BBOX1: variants seen among roughly 807,000 people sequenced by gnomAD.
BBOX1 encodes gamma-butyrobetaine hydroxylase 1.
BBOX1 carries 35 observed loss-of-function variants against 41.6 expected under a neutral mutation model. The ratio of observed to expected loss-of-function variants is 0.84; its 90% confidence interval spans 0.64 to 1.11. The LOEUF is 1.11. Ranked by LOEUF, BBOX1 falls within the 50% of genes most tolerant of loss-of-function variation. The pLI, the probability that BBOX1 is intolerant of heterozygous loss-of-function variation, is 0.00. For missense variants in BBOX1, 458 were observed against 460.6 expected, an observed-to-expected ratio of 0.99 and a Z score of 0.05; for synonymous variants, 163 against 154.7, an observed-to-expected ratio of 1.05 and a Z score of -0.40.
intron 5 of BBOX1, among the ~76,000 whole-genome samples, chr11:27,110,928 T>C (rs1410153958): frequency 2.0e-5 from 3 of 151,984 alleles, no homozygotes; most frequent in African/African-American, 7.2e-5. Flanking sequence ...CATATTTGGT[T>C]TATTTTTAAA....
chr11:27,051,200 T>C (rs531872955), intron 2 of BBOX1, among the ~76,000 whole-genome samples: 1 of 152,236 alleles, frequency 6.6e-6, no homozygotes, highest in African/African-American at 2.4e-5. Context: ...TCATACTGTA[T>C]GATCCTTTTA....
intron 5 of BBOX1, among the ~76,000 whole-genome samples, chr11:27,097,447 A>G (rs1485205300): frequency 1.3e-5 from 2 of 152,044 alleles, no homozygotes; most frequent in African/African-American, 2.4e-5. Flanking sequence ...ATTTCTGTCA[A>G]TCAAACAGAG....
chr11:27,047,397 G>A (rs1851518913), intron 2 of BBOX1: 2 of 152,136 alleles, frequency 1.3e-5, no homozygotes, highest in Admixed American at 6.5e-5. Context: ...TGGCACAGAT[G>A]TCTATAGGAG....
In BBOX1 at chr11:27,119,827, C is replaced by G; in HGVS notation, c.818C>G (p.Ser273Ter). The G allele has an allele frequency of 6.6e-7, 1 of 1,523,758 alleles. No individual in the cohort carries two copies. The highest frequency in any genetic ancestry group is 1.3e-5 in the South Asian group (1 of 76,614). 94.4% of individuals were successfully genotyped at this position (1,523,758 alleles called of 1,614,324 possible). A position where few individuals can be genotyped will look rare whatever the true frequency, so the allele number is the denominator to read the frequency against. The part of the protein sequence containing the change: ...GVDYCDFSVQ[S>*]KHKIIELDDK... Reference sequence around the variant, plus strand: ...GATTACTGTGATTTTTCTGTACAATCAAAACATAAAATTATAGAGTAAGTA... The same window carrying G: ...GATTACTGTGATTTTTCTGTACAATGAAAACATAAAATTATAGAGTAAGTA... Residue 273 changes from serine to a stop codon, truncating the protein, a stop_gained, in exon 7 of 9, where the codon TCA (serine) becomes TGA (stop). Transcript: ENST00000263182. LOFTEE classifies it high-confidence loss of function.
chr11:27,047,340 CAGAT>C (rs1014252648), intron 2 of BBOX1: 1 of 152,172 alleles, frequency 6.6e-6, no homozygotes, highest in African/African-American at 2.4e-5. Context: ...AAGAAAAAAA[CAGAT>C]AGAAAGCTCA....
intron 4 of BBOX1, among the ~76,000 whole-genome samples, chr11:27,071,968 TGAATGGGCAAAAACTG>T (rs1857465755): frequency 6.6e-6 from 1 of 151,976 alleles, no homozygotes. Flanking sequence ...AATATCATAC[TGAATGGGCAAAAACTG>T]GAAACATTCC....
intron 4 of BBOX1, among the ~76,000 whole-genome samples, chr11:27,066,906 A>G (rs1049408515): frequency 6.6e-6 from 1 of 152,118 alleles, no homozygotes; most frequent in African/African-American, 2.4e-5. Context: ...TTTCTCAATC[A>G]GTAACTTTGT....
At chr11:27,071,999 G>C (rs900904729) in intron 4 of BBOX1, among the ~76,000 whole-genome samples, 1 of 152,064 alleles carries the variant, frequency 6.6e-6, no homozygotes, top group East Asian at 1.9e-4. Context: ...CATTCCCTTT[G>C]AAAACTGGTC....
intron 7 of BBOX1, 29 bp from the exon 8 acceptor site, chr11:27,125,625 T>C (rs1472893291): frequency 2.8e-6 from 4 of 1,447,032 alleles, no homozygotes; most frequent in Non-Finnish European, 3.7e-6. Flanking sequence ...TCATGAATTA[T>C]ATATTAATTT....
intron 4 of BBOX1, among the ~76,000 whole-genome samples, chr11:27,078,138 C>T (rs923436291): frequency 1.3e-5 from 2 of 152,044 alleles, no homozygotes; most frequent in African/African-American, 4.8e-5. Flanking sequence ...AGCCATTCTA[C>T]AAGATTTACT....
chr11:27,086,965 G>A (rs1050675414), intron 4 of BBOX1, among the ~76,000 whole-genome samples: 1 of 152,090 alleles, frequency 6.6e-6, no homozygotes, highest in Admixed American at 6.6e-5. Flanking sequence ...ACTAGAATTA[G>A]AAGTAGAGCC....
chr11:27,043,275 A>G (rs890641480), intron 2 of BBOX1, among the ~76,000 whole-genome samples: 1 of 151,934 alleles, frequency 6.6e-6, no homozygotes, highest in Non-Finnish European at 1.5e-5. Context: ...GTGTTAGCCA[A>G]GGTGGTCTCG....
chr11:27,120,072 T>A (rs988473045), intron 7 of BBOX1, among the ~76,000 whole-genome samples: 3 of 152,102 alleles, frequency 2.0e-5, no homozygotes, highest in Non-Finnish European at 2.9e-5. Context: ...AGATTTCACG[T>A]ATACTTCATT....
At chr11:27,111,216 G>A (rs1859050980) in intron 5 of BBOX1, among the ~76,000 whole-genome samples, 1 of 152,000 alleles carries the variant, frequency 6.6e-6, no homozygotes, top group African/African-American at 2.4e-5. Context: ...GATGCAGCTG[G>A]AGGCCATTAT....
intron 6 of BBOX1, among the ~76,000 whole-genome samples, chr11:27,115,892 A>G (rs11824620): frequency 0.07 from 10,619 of 152,032 alleles, 1,236 homozygotes; most frequent in African/African-American, 0.23. Flanking sequence ...TATATTTCTA[A>G]GAAAGTTAAG....
intron 5 of BBOX1, among the ~76,000 whole-genome samples, chr11:27,107,064 G>A (rs546798588): frequency 1.3e-5 from 2 of 152,078 alleles, no homozygotes; most frequent in Non-Finnish European, 2.9e-5. Flanking sequence ...CAACATACTA[G>A]AATCTCTGTG....
At chr11:27,054,613 T>A (rs186998674) in intron 2 of BBOX1, among the ~76,000 whole-genome samples, 80 of 152,240 alleles carry the variant, frequency 5.3e-4, no homozygotes, top group African/African-American at 1.6e-3. Context: ...TGGATTTTTT[T>A]AATAAAAGTA....
chr11:27,064,836 G>C (rs1857232517), intron 4 of BBOX1, among the ~76,000 whole-genome samples: 1 of 151,978 alleles, frequency 6.6e-6, no homozygotes, highest in Admixed American at 6.6e-5. Context: ...TTCTGAGTGG[G>C]GCCACAGGGG....
intron 4 of BBOX1, among the ~76,000 whole-genome samples, chr11:27,077,378 G>A (rs972015689): frequency 1.3e-5 from 2 of 152,028 alleles, no homozygotes; most frequent in African/African-American, 4.8e-5. Context: ...CCAGTGGAAG[G>A]GTATATCCCA....
Sources: gnomAD v4.1 joint callset for allele counts (sites outside exome capture counted in the v4.1 genomes callset) on GRCh38, gnomAD v4.1.1 for gene constraint, MANE v1.5 for transcripts, NCBI Gene and HGNC (gene_info 2026-07-23, HGNC 2026-07-21) for gene names.